The following RBM19 variants were observed in gnomAD, a reference collection of about 807,000 sequenced individuals.
RBM19 encodes probable RNA-binding protein 19.
Under a neutral mutation model 116.8 loss-of-function variants are expected in RBM19, and 94 were observed. That is an observed-to-expected ratio of 0.80 (90% confidence interval 0.68 to 0.95). RBM19 has a LOEUF of 0.95. RBM19 is among the 40% of genes least tolerant of loss of function. The probability of loss-of-function intolerance (pLI) is 0.00; values close to 1 mark genes in which losing one functional copy is unlikely to be tolerated. For synonymous variants in RBM19, 475 were observed against 494.1 expected, an observed-to-expected ratio of 0.96 and a Z score of 0.51; for missense variants, 1,161 against 1,220.7, an observed-to-expected ratio of 0.95 and a Z score of 0.73.
intron 9 of RBM19, 112 bp downstream of exon 9, chr12:113,949,971 G>C (rs1448472131): frequency 4.1e-6 from 4 of 985,926 alleles, no homozygotes; most frequent in Non-Finnish European, 6.2e-6. Flanking sequence ...TGTCTGCAGA[G>C]ACACTGCATT....
intron 22 of RBM19, among the ~76,000 whole-genome samples, chr12:113,851,630 C>T (rs1282598711): frequency 2.0e-5 from 3 of 152,020 alleles, no homozygotes; most frequent in Non-Finnish European, 4.4e-5. Flanking sequence ...CTCAGAGCTG[C>T]TGGGAAGCAT....
intron 14 of RBM19, among the ~76,000 whole-genome samples, chr12:113,941,196 A>G (rs1870539367): frequency 6.6e-6 from 1 of 152,190 alleles, no homozygotes; most frequent in Admixed American, 6.5e-5. Context: ...GAGGCCACAC[A>G]AGGTTACTAT....
chr12:113,838,007 T>C (rs1381566548), intron 23 of RBM19, among the ~76,000 whole-genome samples: 1 of 152,134 alleles, frequency 6.6e-6, no homozygotes, highest in Non-Finnish European at 1.5e-5. Flanking sequence ...CGTCTAAATA[T>C]TAAACACTGA....
chr12:113,932,780 A>C (rs972316274), intron 16 of RBM19: 1 of 152,256 alleles, frequency 6.6e-6, no homozygotes, highest in Non-Finnish European at 1.5e-5. Context: ...CAGGAACCAG[A>C]AAAAGAGGGA....
At chr12:113,899,018 A>G (rs543091435) in intron 21 of RBM19, among the ~76,000 whole-genome samples, 192 of 152,354 alleles carry the variant, frequency 1.3e-3, no homozygotes, top group African/African-American at 4.5e-3. Context: ...TAATAAAAAT[A>G]TTTACATTAT....
chr12:113,958,096 C>T (rs750596387), intron 5 of RBM19, 46 bp from the exon 6 acceptor site: 1 of 1,553,778 alleles, frequency 6.4e-7, no homozygotes, highest in African/African-American at 1.4e-5. Flanking sequence ...ATGAGCAAAC[C>T]AGAGGTCAGA....
rs1483508347 is a variant in RBM19 at position 113,955,055 on chromosome 12, C to T, written c.921+76G>A. The T allele has an allele frequency of 2.7e-6, 4 of 1,475,622 alleles. No individual in the cohort carries two copies. The Admixed American group carries it at 5.0e-5, about 19-fold the overall frequency. The allele number at this position is 1,475,622 out of a possible 1,614,324, so 91.4% of individuals were successfully genotyped here. On this transcript the variant is annotated intron_variant, in intron 7 of 23. Coordinates refer to ENST00000261741, the MANE Select transcript of RBM19 (RefSeq NM_016196.4). The stretch of plus-strand genomic sequence containing the variant: ...CAACCGACTCTAATGCCCCCATGCA[C>T]CAAAGGCTCCTGGCCTCCCCACCCT...
chr12:113,910,622 C>A (rs543406716), intron 21 of RBM19, among the ~76,000 whole-genome samples: 1 of 152,272 alleles, frequency 6.6e-6, no homozygotes, highest in South Asian at 2.1e-4. Flanking sequence ...GGAATAGCAC[C>A]GTTACTGTCT....
intron 9 of RBM19, among the ~76,000 whole-genome samples, chr12:113,949,788 C>T (rs1017811032): frequency 1.3e-5 from 2 of 152,192 alleles, no homozygotes; most frequent in Non-Finnish European, 2.9e-5. Flanking sequence ...GCCAAGCCTC[C>T]TCCAATCCCT....
intron 1 of RBM19, chr12:113,965,991 G>A (rs1449203079): frequency 1.6e-6 from 1 of 616,278 alleles, no homozygotes; most frequent in African/African-American, 1.9e-5. Flanking sequence ...AACCGGCCGT[G>A]AAACCGTAAG....
intron 21 of RBM19, among the ~76,000 whole-genome samples, chr12:113,878,427 G>T (rs974786662): frequency 1.7e-4 from 26 of 152,180 alleles, no homozygotes; most frequent in Non-Finnish European, 3.4e-4. Flanking sequence ...CTCCCAATGT[G>T]TCATTTACCT....
intron 21 of RBM19, among the ~76,000 whole-genome samples, chr12:113,868,732 G>A (rs1050260084): frequency 6.6e-5 from 10 of 152,194 alleles, no homozygotes; most frequent in Non-Finnish European, 1.5e-4. Context: ...CAGAAGGGCC[G>A]AACATACACA....
chr12:113,951,248 G>A (rs1461627732), intron 8 of RBM19, among the ~76,000 whole-genome samples: 1 of 152,104 alleles, frequency 6.6e-6, no homozygotes, highest in African/African-American at 2.4e-5. Flanking sequence ...GGGACATTCA[G>A]CTGCTTTTCA....
intron 14 of RBM19, 59 bp downstream of exon 14, chr12:113,942,265 A>T: frequency 2.1e-6 from 3 of 1,437,272 alleles, no homozygotes; most frequent in Non-Finnish European, 2.9e-6. Context: ...CTCCCCTGGA[A>T]AGGCCATTCT....
intron 16 of RBM19, among the ~76,000 whole-genome samples, chr12:113,930,732 C>T (rs1869531611): frequency 6.6e-6 from 1 of 152,248 alleles, no homozygotes; most frequent in Non-Finnish European, 1.5e-5. Context: ...CGTTCTTTCC[C>T]TGAACCTTGA....
intron 18 of RBM19, among the ~76,000 whole-genome samples, chr12:113,921,389 C>T (rs1054959777): frequency 3.3e-5 from 5 of 152,040 alleles, no homozygotes; most frequent in African/African-American, 9.7e-5. Flanking sequence ...TGATGTCCCC[C>T]CACCTTCCAC....
Position 113,871,155 on chromosome 12 carries a change from C to T in RBM19, c.2559-12259G>A, listed in dbSNP as rs937112607. Among the ~76,000 whole-genome samples, 7 of 152,302 alleles carry T rather than the reference C, an allele frequency of 4.6e-5. No homozygotes were observed. In the South Asian group the frequency reaches 6.2e-4, roughly 14 times the overall value. On this transcript the variant is annotated intron_variant, in intron 21 of 23. Transcript: ENST00000261741. ...CAGCCTGCACAAGGAGATGTTGTCA[C>T]GCACTCCTCAAGACTCCAGAGAAGC...
chr12:113,919,871 C>A, intron 19 of RBM19, among the ~76,000 whole-genome samples: 1 of 152,124 alleles, frequency 6.6e-6, no homozygotes, highest in East Asian at 1.9e-4. Flanking sequence ...CCCCTCTCCA[C>A]ACCAGCAGCT....
intron 21 of RBM19, among the ~76,000 whole-genome samples, chr12:113,865,045 C>T (rs529018602): frequency 7.4e-4 from 112 of 152,320 alleles, no homozygotes; most frequent in African/African-American, 1.9e-3. Context: ...GCTTAACTCT[C>T]TAATGGTTTT....
Sources: allele counts gnomAD v4.1 joint callset (sites outside exome capture counted in the v4.1 genomes callset), GRCh38; gene constraint gnomAD v4.1.1; transcripts MANE v1.5; gene names NCBI Gene and HGNC (gene_info 2026-07-23, HGNC 2026-07-21).